Variants in PRH1 observed in about 807,000 individuals in gnomAD.
The protein encoded by PRH1 is proline rich protein HaeIII subfamily 1.
Under a neutral mutation model 7.9 loss-of-function variants are expected in PRH1, and 7 were observed. The observed-to-expected ratio is 0.89, with a 90% CI of 0.50 to 1.67. The LOEUF (loss-of-function observed/expected upper bound fraction) is 1.67. Ranked by LOEUF, PRH1 falls within the 40% of genes most tolerant of loss-of-function variation. The pLI is 0.00. For missense variants in PRH1, 109 were observed against 223.6 expected (o/e 0.49, Z 3.27); for synonymous variants, 45 against 80.8 (o/e 0.56, Z 2.38).
intron 2 of PRH1, among the ~76,000 whole-genome samples, chr12:10,966,238 A>C (rs2135941576): frequency 6.6e-6 from 1 of 152,316 alleles, no homozygotes; most frequent in East Asian, 1.9e-4. Context: ...TATTTCATTA[A>C]AATATTCAAC....
At chr12:11,045,334 A>T (rs1056713162) in intron 1 of PRH1, among the ~76,000 whole-genome samples, 3 of 147,994 alleles carry the variant, frequency 2.0e-5, no homozygotes, top group Non-Finnish European at 1.5e-5. Flanking sequence ...AAAAAAAAAT[A>T]GAAAGAATTA....
At chr12:10,930,638 C>A (rs1360879916) in intron 2 of PRH1, 2 of 1,613,040 alleles carry the variant, frequency 1.2e-6, no homozygotes, top group African/African-American at 2.7e-5. Context: ...ATGAGCTCAG[C>A]TCTTCTTGTT....
intron 2 of PRH1, among the ~76,000 whole-genome samples, chr12:10,918,883 A>T (rs549370197): frequency 6.6e-6 from 1 of 151,954 alleles, no homozygotes; most frequent in Non-Finnish European, 1.5e-5. Flanking sequence ...ATTTTTTTCT[A>T]CTGTTTATAT....
chr12:11,041,545 T>C (rs904697282), intron 1 of PRH1, among the ~76,000 whole-genome samples: 4 of 152,154 alleles, frequency 2.6e-5, no homozygotes, highest in Non-Finnish European at 5.9e-5. Context: ...GACTTCAACA[T>C]TCCACTTTCA....
At chr12:11,160,343 G>A (rs1347797769) in intron 1 of PRH1, among the ~76,000 whole-genome samples, 1 of 152,126 alleles carries the variant, frequency 6.6e-6, no homozygotes, top group Non-Finnish European at 1.5e-5. Flanking sequence ...TGTTACAGGA[G>A]CTAAAAAGAA....
intron 1 of PRH1, among the ~76,000 whole-genome samples, chr12:11,141,154 T>G (rs1592094582): frequency 6.6e-6 from 1 of 152,180 alleles, no homozygotes; most frequent in African/African-American, 2.4e-5. Flanking sequence ...CAGGTGGAAA[T>G]AGCCCTATTT....
At chr12:11,046,826 C>G (rs1253718592) in intron 1 of PRH1, among the ~76,000 whole-genome samples, 2 of 152,100 alleles carry the variant, frequency 1.3e-5, no homozygotes, top group Non-Finnish European at 2.9e-5. Flanking sequence ...ATGTAGAATA[C>G]ATTGACAGTC....
rs1944723039 is a variant in PRH1, at chr12:11,086,877, C to G, written n.124-39689G>C. Among the ~76,000 whole-genome samples, 4 of 106,638 alleles carry G rather than the reference C, an allele frequency of 3.8e-5. 2 individuals carry two copies. Among genetic ancestry groups the G allele is most frequent in the African/African-American group, 6.3e-5 (2 of 31,898 alleles). 70.0% of individuals were successfully genotyped at this position (106,638 alleles called of 152,430 possible). A position where few individuals can be genotyped will look rare whatever the true frequency, so the allele number is the denominator to read the frequency against. On this transcript the variant is annotated intron_variant and non_coding_transcript_variant, in intron 1 of 4. Coordinates refer to the PRH1 transcript ENST00000541977. ...TGTAGTTAGTTGAGATCATGCCACT[C>G]CACTCCAGTGGGGAGACCGTGCAAA...
chr12:10,994,573 C>T (rs190038554), intron 1 of PRH1, among the ~76,000 whole-genome samples: 5 of 152,258 alleles, frequency 3.3e-5, no homozygotes, highest in Admixed American at 3.3e-4. Context: ...TTCCACATGT[C>T]CCAGCCATTT....
intron 1 of PRH1, among the ~76,000 whole-genome samples, chr12:11,127,576 T>C (rs924631453): frequency 6.6e-6 from 1 of 152,202 alleles, no homozygotes; most frequent in Admixed American, 6.5e-5. Flanking sequence ...ACTAATAATT[T>C]TGTACAACTT....
At chr12:10,975,261 T>C (rs1414587439) in intron 1 of PRH1, among the ~76,000 whole-genome samples, 3 of 152,228 alleles carry the variant, frequency 2.0e-5, no homozygotes, top group Non-Finnish European at 4.4e-5. Context: ...AATGGGGGCT[T>C]ACATTCAGCA....
chr12:10,969,955 C>T (rs968686276), intron 2 of PRH1, among the ~76,000 whole-genome samples: 8 of 152,128 alleles, frequency 5.3e-5, no homozygotes, highest in African/African-American at 9.7e-5. Context: ...CATCCACCAC[C>T]ACACCCGGCT....
chr12:11,047,994 TATAA>T (rs1372032198), upstream of PRH1, among the ~76,000 whole-genome samples: 7 of 152,036 alleles, frequency 4.6e-5, no homozygotes, highest in African/African-American at 9.7e-5. Context: ...AGTTCCTAAT[TATAA>T]ATAGAGGTAA....
downstream of PRH1, chr12:11,120,728 C>T (rs1945874630): frequency 6.6e-6 from 1 of 151,828 alleles, no homozygotes; most frequent in Non-Finnish European, 1.5e-5. Flanking sequence ...GTTATTTGAT[C>T]ATTAGTGTAA....
chr12:11,036,144 C>G (rs1451088196), intron 1 of PRH1, among the ~76,000 whole-genome samples: 1 of 152,222 alleles, frequency 6.6e-6, no homozygotes, highest in African/African-American at 2.4e-5. Context: ...CCACCCACCT[C>G]GGCCTCCCGA....
chr12:10,937,255 T>A (rs1222483483), intron 2 of PRH1, among the ~76,000 whole-genome samples: 2 of 151,912 alleles, frequency 1.3e-5, no homozygotes, highest in African/African-American at 4.8e-5. Flanking sequence ...TGCGTGCGTG[T>A]GTATGAATAT....
intron 2 of PRH1, among the ~76,000 whole-genome samples, chr12:10,947,952 G>A (rs1373337343): frequency 6.6e-6 from 1 of 152,074 alleles, no homozygotes; most frequent in African/African-American, 2.4e-5. Flanking sequence ...GTTGAATATA[G>A]GCCTCCAATC....
chr12:11,101,421 C>T (rs1945244409), intron 1 of PRH1, among the ~76,000 whole-genome samples: 1 of 152,176 alleles, frequency 6.6e-6, no homozygotes, highest in African/African-American at 2.4e-5. Flanking sequence ...GCCAAGGTGA[C>T]AGAGGCTGCA....
chr12:11,148,834 T>C (rs1276597983), intron 1 of PRH1, among the ~76,000 whole-genome samples: 8 of 127,788 alleles, frequency 6.3e-5, no homozygotes, highest in African/African-American at 2.2e-4. Context: ...TCTTTTTCTA[T>C]TGATTGGAAT....
Sources: allele counts gnomAD v4.1 joint callset (sites outside exome capture counted in the v4.1 genomes callset), GRCh38; gene constraint gnomAD v4.1.1; transcripts MANE v1.5; gene names NCBI Gene and HGNC (gene_info 2026-07-23, HGNC 2026-07-21).